The following ME1 variants were observed in gnomAD, a reference collection of about 807,000 sequenced individuals.
ME1 encodes the protein NADP-dependent malic enzyme.
Under a neutral mutation model 66.4 loss-of-function variants are expected in ME1, and 74 were observed. The ratio of observed to expected loss-of-function variants is 1.11; its 90% CI spans 0.92 to 1.35. The LOEUF (loss-of-function observed/expected upper bound fraction) is 1.35. ME1 is among the 40% of genes most tolerant of loss of function. ME1 has a pLI of 0.00. For missense variants in ME1, 750 were observed against 694.1 expected (o/e 1.08, Z -0.90); for synonymous variants, 251 against 235.6 (o/e 1.07, Z -0.60).
intron 3 of ME1, among the ~76,000 whole-genome samples, chr6:83,389,159 T>C (rs1365264230): frequency 6.6e-6 from 1 of 152,072 alleles, no homozygotes; most frequent in Non-Finnish European, 1.5e-5. Context: ...GTCCTCACAG[T>C]CTGATTCCTT....
At chr6:83,389,911 C>T (rs1489947429) in intron 3 of ME1, among the ~76,000 whole-genome samples, 3 of 152,088 alleles carry the variant, frequency 2.0e-5, no homozygotes, top group African/African-American at 4.8e-5. Flanking sequence ...AAAATGATTT[C>T]GGCACATGGG....
intron 3 of ME1, among the ~76,000 whole-genome samples, chr6:83,381,397 T>A (rs567899993): frequency 6.7e-6 from 1 of 149,576 alleles, no homozygotes; most frequent in South Asian, 2.1e-4. Flanking sequence ...CTTAAGAAAT[T>A]CTTTTTTTTT....
At chr6:83,364,991 G>A (rs138005699) in intron 3 of ME1, among the ~76,000 whole-genome samples, 1 of 152,186 alleles carries the variant, frequency 6.6e-6, no homozygotes, top group Non-Finnish European at 1.5e-5. Context: ...AGTCCTCCTC[G>A]TCCCACTGGG....
intron 3 of ME1, chr6:83,393,007 C>T (rs1269458498): frequency 1.2e-5 from 12 of 1,020,810 alleles, no homozygotes; most frequent in Non-Finnish European, 1.8e-5. Flanking sequence ...GGCCATGGGG[C>T]TCTCCAGAAC....
chr6:83,328,908 G>C (rs1195681117), intron 5 of ME1, among the ~76,000 whole-genome samples: 3 of 151,908 alleles, frequency 2.0e-5, no homozygotes, highest in South Asian at 4.1e-4. Flanking sequence ...AAATATAAGA[G>C]AGCTCAAAAA....
chr6:83,244,931 T>C (rs1484811511), intron 7 of ME1, among the ~76,000 whole-genome samples: 1 of 151,740 alleles, frequency 6.6e-6, no homozygotes, highest in Admixed American at 6.6e-5. Context: ...AGAACAAAGG[T>C]CAATCAAGAA....
chr6:83,303,051 G>A (rs1767756841), intron 6 of ME1, among the ~76,000 whole-genome samples: 1 of 152,086 alleles, frequency 6.6e-6, no homozygotes, highest in Non-Finnish European at 1.5e-5. Flanking sequence ...ACATGATAGA[G>A]GAATTGTCTG....
In ME1 at chr6:83,416,891, T is replaced by C. The variant is rs1188013038; in HGVS notation, c.79-8990A>G. Among the ~76,000 whole-genome samples, 7 of 134,918 alleles carry C rather than the reference T, an allele frequency of 5.2e-5. No homozygotes were observed. The East Asian group carries it at 6.1e-4, about 12-fold the overall frequency. 88.5% of individuals were successfully genotyped at this position (134,918 alleles called of 152,430 possible). A position where few individuals can be genotyped will look rare whatever the true frequency, so the allele number is the denominator to read the frequency against. On this transcript the variant is annotated intron_variant, in intron 1 of 13. Coordinates refer to ENST00000369705, the MANE Select transcript of ME1 (RefSeq NM_002395.6). ...AGGCTGGGTGACAGAGTGAGATTTG[T>C]CTAAAAAAAAAAAAAAAAAAGTAGT... is the stretch of plus-strand genomic sequence containing the variant.
At chr6:83,247,937 C>T (rs1005136291) in intron 7 of ME1, among the ~76,000 whole-genome samples, 1 of 152,114 alleles carries the variant, frequency 6.6e-6, no homozygotes, top group Admixed American at 6.5e-5. Flanking sequence ...ATATTTTAGG[C>T]CGAATTAGTC....
chr6:83,342,238 C>CA (rs1040294671), intron 5 of ME1, among the ~76,000 whole-genome samples: 1 of 152,212 alleles, frequency 6.6e-6, no homozygotes, highest in Non-Finnish European at 1.5e-5. Context: ...AGCGGCTGCT[C>CA]AGGCCTGCTC....
intron 6 of ME1, among the ~76,000 whole-genome samples, chr6:83,302,924 C>T (rs1767754556): frequency 6.6e-6 from 1 of 151,908 alleles, no homozygotes; most frequent in South Asian, 2.1e-4. Context: ...TTCCTGAATA[C>T]TTATTAATAT....
At chr6:83,352,986 C>T (rs2128544724) in intron 3 of ME1, among the ~76,000 whole-genome samples, 1 of 152,238 alleles carries the variant, frequency 6.6e-6, no homozygotes, top group South Asian at 2.1e-4. Context: ...TAAGTGTAAC[C>T]ACTATCCTCA....
chr6:83,315,430 C>T lies in ME1; in HGVS notation c.601-17G>A. The stretch of plus-strand genomic sequence containing the variant: ...AAGTAACTCCTATTAAAAAAAGTTA[C>T]CATAAAAATAGAAATAACTATAACC... On this transcript the variant is annotated splice_polypyrimidine_tract_variant and intron_variant, in intron 5 of 13. Coordinates refer to ENST00000369705, the MANE Select transcript of ME1 (RefSeq NM_002395.6). 1 of 1,416,486 alleles carries T rather than the reference C, an allele frequency of 7.1e-7. No individual in the cohort carries two copies. 87.7% of individuals were successfully genotyped at this position (1,416,486 alleles called of 1,614,324 possible).
chr6:83,295,017 C>T (rs932743219), intron 6 of ME1, among the ~76,000 whole-genome samples: 12 of 152,324 alleles, frequency 7.9e-5, no homozygotes, highest in Non-Finnish European at 1.5e-4. Flanking sequence ...GAGGAACCCA[C>T]TTTCAGAGCA....
intron 5 of ME1, among the ~76,000 whole-genome samples, chr6:83,321,041 A>T (rs1279103469): frequency 6.6e-6 from 1 of 152,152 alleles, no homozygotes; most frequent in Admixed American, 6.5e-5. Flanking sequence ...GCACCCAGGA[A>T]GCGCAGGGGG....
At chr6:83,392,992 G>T (rs765406787) in intron 3 of ME1, 37 of 925,904 alleles carry the variant, frequency 4.0e-5, no homozygotes, top group Non-Finnish European at 6.1e-5. Flanking sequence ...AAACTGTGGG[G>T]TGACGGCCAT....
intron 7 of ME1, among the ~76,000 whole-genome samples, chr6:83,247,467 T>C (rs1410000713): frequency 6.6e-6 from 1 of 152,052 alleles, no homozygotes; most frequent in Non-Finnish European, 1.5e-5. Context: ...AGTAGAATTC[T>C]AAGTATATAC....
chr6:83,280,088 T>C (rs769430075), intron 6 of ME1, among the ~76,000 whole-genome samples: 33 of 152,282 alleles, frequency 2.2e-4, no homozygotes, highest in Non-Finnish European at 4.6e-4. Flanking sequence ...TTCTTGTCAG[T>C]AGACCTGCCT....
chr6:83,230,920 G>C (rs969113156), intron 9 of ME1, among the ~76,000 whole-genome samples: 1 of 152,030 alleles, frequency 6.6e-6, no homozygotes, highest in African/African-American at 2.4e-5. Context: ...GCGACAGCGA[G>C]ACTCTGTCTC....
Sources: gnomAD v4.1 joint callset for allele counts (sites outside exome capture counted in the v4.1 genomes callset) on GRCh38, gnomAD v4.1.1 for gene constraint, MANE v1.5 for transcripts, NCBI Gene and HGNC (gene_info 2026-07-23, HGNC 2026-07-21) for gene names.